GSE1: variants seen among roughly 807,000 people sequenced by gnomAD.
The protein encoded by GSE1 is Gse1 coiled-coil protein, also known as genetic suppressor element 1.
GSE1 carries 32 observed loss-of-function variants against 112.6 expected under a neutral mutation model. That is an observed-to-expected ratio of 0.28 (90% CI 0.21 to 0.38). The LOEUF (loss-of-function observed/expected upper bound fraction) is 0.38. Among genes scored for constraint, GSE1 ranks in the 10% least tolerant of loss-of-function variants. The pLI, the probability that GSE1 is intolerant of heterozygous loss-of-function variation, is 1.00. For missense variants in GSE1, 2,348 were observed against 1,699.2 expected (o/e 1.38, Z -6.71); for synonymous variants, 1,115 against 735.6 (o/e 1.52, Z -8.35).
intron 2 of GSE1, among the ~76,000 whole-genome samples, chr16:85,417,749 C>T (rs974086394): frequency 3.9e-5 from 6 of 152,246 alleles, no homozygotes; most frequent in Non-Finnish European, 8.8e-5. Flanking sequence ...CATCAGCATC[C>T]GTCGCAGGAC....
chr16:85,233,466 G>GGGGT (rs1215691204), intron 1 of GSE1, among the ~76,000 whole-genome samples: 2 of 152,240 alleles, frequency 1.3e-5, no homozygotes, highest in Non-Finnish European at 2.9e-5. Context: ...CTCCTCCTGA[G>GGGGT]GGGTGGGAAC....
chr16:85,654,518 C>A (rs775362475), intron 4 of GSE1, 68 bp downstream of exon 4: 125 of 1,373,746 alleles, frequency 9.1e-5, no homozygotes, highest in Non-Finnish European at 1.2e-4. Context: ...GTCTGGGTCC[C>A]CAGGCAGCCT....
chr16:85,181,785 A>G (rs1263216344), intron 1 of GSE1, among the ~76,000 whole-genome samples: 1 of 152,230 alleles, frequency 6.6e-6, no homozygotes, highest in Non-Finnish European at 1.5e-5. Flanking sequence ...CCTGGGGTCC[A>G]GACCCAGCAG....
chr16:85,524,780 T>A (rs1218118136), intron 2 of GSE1, among the ~76,000 whole-genome samples: 1 of 152,060 alleles, frequency 6.6e-6, no homozygotes, highest in Non-Finnish European at 1.5e-5. Context: ...ACATCCCGTA[T>A]GGGTGGGAGG....
rs76592366 is a variant in GSE1, at chr16:85,539,440, A to G, written c.2465-94474A>G. ...GGGACAAAAGCTGCCTGTTCAGCTAATTGCAGGCACCAAAATTGCCCCCAC... is the reference window on the plus strand; with the variant it reads ...GGGACAAAAGCTGCCTGTTCAGCTAGTTGCAGGCACCAAAATTGCCCCCAC... On this transcript the variant is annotated intron_variant, in intron 2 of 2. Coordinates refer to the GSE1 transcript ENST00000637419. Among the ~76,000 whole-genome samples the G allele has an allele frequency of 7.6e-4, 116 of 152,354 alleles. 1 individual carries two copies. The East Asian group carries it at 0.018, about 24-fold the overall frequency.
upstream of GSE1, among the ~76,000 whole-genome samples, chr16:85,609,354 C>G (rs569302245): frequency 1.3e-5 from 2 of 152,356 alleles, no homozygotes; most frequent in South Asian, 2.1e-4. Context: ...CTGCCTCAGT[C>G]TCGCGAGTAG....
chr16:85,298,162 T>TG, intron 1 of GSE1, among the ~76,000 whole-genome samples: 1 of 152,202 alleles, frequency 6.6e-6, no homozygotes, highest in East Asian at 1.9e-4. Context: ...CAGTGCGGGG[T>TG]GGGGCCTGGG....
At chr16:85,477,321 C>T (rs969377430) in intron 2 of GSE1, among the ~76,000 whole-genome samples, 2 of 152,130 alleles carry the variant, frequency 1.3e-5, no homozygotes, top group Non-Finnish European at 2.9e-5. Context: ...GTGAAGATTC[C>T]GAATATGCGT....
chr16:85,497,997 G>A (rs575864626), intron 2 of GSE1, among the ~76,000 whole-genome samples: 61 of 151,876 alleles, frequency 4.0e-4, no homozygotes, highest in Non-Finnish European at 2.6e-4. Flanking sequence ...GGGACCCCAC[G>A]CCCTGACCAC....
intron 2 of GSE1, among the ~76,000 whole-genome samples, chr16:85,640,724 C>T (rs568143841): frequency 2.0e-4 from 30 of 152,374 alleles, no homozygotes; most frequent in African/African-American, 6.5e-4. Flanking sequence ...CGGAAATCTG[C>T]CTCTCAAAGA....
At position 85,661,201 on chromosome 16, in the gene GSE1, G is replaced by T; in HGVS notation, c.1696G>T (p.Gly566Trp). ...GGRDPPQHFG[G>W]PPPLISPKPQ... ...CCGTGACCCTCCGCAGCACTTTGGG[G>T]GGCCACCACCTCTGATTTCGCCCAA... is the stretch of plus-strand genomic sequence containing the variant. The change falls in exon 9 of 16, where the codon GGG becomes TGG. Residue 566 changes from glycine to tryptophan, a missense_variant. Transcript: ENST00000253458. 3.1e-6 allele frequency: 5 copies of T among 1,605,954 alleles called. No individual in the cohort carries two copies. Among genetic ancestry groups the T allele is most frequent in the Non-Finnish European group, 4.3e-6 (5 of 1,174,396 alleles).
intron 2 of GSE1, among the ~76,000 whole-genome samples, chr16:85,471,110 T>C (rs1446197526): frequency 6.6e-6 from 1 of 152,008 alleles, no homozygotes; most frequent in Non-Finnish European, 1.5e-5. Context: ...ACGTGAGAGG[T>C]GCACGGCTCG....
chr16:85,390,693 C>A (rs1313438693), intron 2 of GSE1, among the ~76,000 whole-genome samples: 4 of 76,240 alleles, frequency 5.2e-5, no homozygotes, highest in Admixed American at 4.4e-4. Context: ...CCCCCCACCG[C>A]CTTGTTCTGC....
intron 2 of GSE1, among the ~76,000 whole-genome samples, chr16:85,501,008 T>TTTTTTG (rs2051346557): frequency 7.4e-6 from 1 of 134,780 alleles, no homozygotes; most frequent in East Asian, 2.1e-4. Flanking sequence ...GTTTTTTTTT[T>TTTTTTG]TTTTTTTTTT....
intron 1 of GSE1, among the ~76,000 whole-genome samples, chr16:85,237,298 G>C (rs1277375207): frequency 6.6e-6 from 1 of 152,142 alleles, no homozygotes; most frequent in Admixed American, 6.5e-5. Context: ...ACTCCAGCCT[G>C]GGCGACAGAG....
At chr16:85,657,218 G>A (rs1352651655) in intron 7 of GSE1, 59 bp from the exon 8 acceptor site, 1 of 1,193,470 alleles carries the variant, frequency 8.4e-7, no homozygotes, top group Admixed American at 2.4e-5. Context: ...GAGAGGACGG[G>A]GAGGGAGCAT....
At chr16:85,349,435 G>A (rs116224603) in intron 1 of GSE1, among the ~76,000 whole-genome samples, 8,055 of 152,184 alleles carry the variant, frequency 0.053, 668 homozygotes, top group African/African-American at 0.18. Flanking sequence ...CAGGACAGCG[G>A]GAGAAGAGGG....
chr16:85,470,849 G>C (rs2050272268), intron 2 of GSE1, among the ~76,000 whole-genome samples: 1 of 152,188 alleles, frequency 6.6e-6, no homozygotes, highest in East Asian at 1.9e-4. Flanking sequence ...CAGTTTGGTA[G>C]CTTCTTTAGG....
At chr16:85,500,757 A>G (rs2051333362) in intron 2 of GSE1, among the ~76,000 whole-genome samples, 1 of 152,210 alleles carries the variant, frequency 6.6e-6, no homozygotes, top group Non-Finnish European at 1.5e-5. Context: ...TTGAAACAAC[A>G]GAAATGTATT....
Sources: allele counts gnomAD v4.1 joint callset (sites outside exome capture counted in the v4.1 genomes callset), GRCh38; gene constraint gnomAD v4.1.1; transcripts MANE v1.5; gene names NCBI Gene and HGNC (gene_info 2026-07-23, HGNC 2026-07-21).